Variants in HIPK3 observed in about 807,000 individuals in gnomAD.
The protein encoded by HIPK3 is homeodomain interacting protein kinase 3, also known as homeodomain-interacting protein kinase 3.
A neutral mutation model predicts 124.2 loss-of-function variants in HIPK3; 47 were observed. The ratio of observed to expected loss-of-function variants is 0.38; its 90% confidence interval spans 0.30 to 0.48. The LOEUF (loss-of-function observed/expected upper bound fraction) is 0.48. HIPK3 is among the 20% of genes least tolerant of loss of function. The pLI is 0.98. For synonymous variants in HIPK3, 482 were observed against 515.2 expected (o/e 0.94, Z 0.87); for missense variants, 1,286 against 1,454.3 (o/e 0.88, Z 1.88).
Position 33,310,871 on chromosome 11 carries a change from C to T in HIPK3, c.1098-17639C>T, listed in dbSNP as rs532172235. On this transcript the variant is annotated intron_variant, in intron 2 of 16. Transcript: ENST00000303296. Reference sequence around the variant, plus strand: ...TAGATCATGTTATTCTAAGGGAGACCGGTCTGTTTCAGTTTGTCTTTGTTC... The same window carrying T: ...TAGATCATGTTATTCTAAGGGAGACTGGTCTGTTTCAGTTTGTCTTTGTTC... Among the ~76,000 whole-genome samples the T allele has an allele frequency of 4.3e-4, 66 of 152,186 alleles. No individual in the cohort carries two copies. The South Asian group carries it at 0.013, about 30-fold the overall frequency.
chr11:33,351,241 A>G (rs1423699071), intron 14 of HIPK3, among the ~76,000 whole-genome samples: 1 of 152,214 alleles, frequency 6.6e-6, no homozygotes, highest in African/African-American at 2.4e-5. Flanking sequence ...ATATGTTTGT[A>G]TATTTCATTT....
chr11:33,259,244 A>G (rs751074760), intron 1 of HIPK3, among the ~76,000 whole-genome samples: 8 of 152,154 alleles, frequency 5.3e-5, no homozygotes, highest in Non-Finnish European at 1.0e-4. Flanking sequence ...TTTGATGAAA[A>G]GTCTTGAGCC....
chr11:33,348,603 A>G lies in HIPK3; in HGVS notation c.2451A>G (p.Glu817=). 2.5e-6 allele frequency: 4 copies of G among 1,613,900 alleles called. No homozygotes were observed. Among genetic ancestry groups the G allele is most frequent in the Non-Finnish European group, 2.5e-6 (3 of 1,179,724 alleles). ...TAATTAATGGGAAAGATGTCGAGGA[A>G]GTAAGTTGTATAGAAACACAGGACA... is the stretch of plus-strand genomic sequence containing the variant. ...PKIINGKDVE[E]VSCIETQDNQ... Residue 817 remains glutamate, a synonymous_variant, in exon 13 of 17, where the codon GAA becomes GAG. Coordinates refer to ENST00000303296, the MANE Select transcript of HIPK3 (RefSeq NM_005734.5).
At chr11:33,315,469 C>A (rs1431658149) in intron 2 of HIPK3, among the ~76,000 whole-genome samples, 1 of 152,222 alleles carries the variant, frequency 6.6e-6, no homozygotes, top group Admixed American at 6.5e-5. Context: ...TCGTGATCCA[C>A]CTGCCTCGGC....
At chr11:33,347,214 T>A in intron 8 of HIPK3, 79 bp from the exon 9 acceptor site, 1 of 1,381,292 alleles carries the variant, frequency 7.2e-7, no homozygotes, top group Non-Finnish European at 9.9e-7. Flanking sequence ...TCTAAGCAAT[T>A]CTTGACATTT....
intron 2 of HIPK3, among the ~76,000 whole-genome samples, chr11:33,309,207 A>G (rs1377882835): frequency 6.6e-6 from 1 of 152,188 alleles, no homozygotes; most frequent in Non-Finnish European, 1.5e-5. Flanking sequence ...TGTCTTTTAT[A>G]GAGATCCCAC....
intron 2 of HIPK3, among the ~76,000 whole-genome samples, chr11:33,302,242 G>A (rs1473271980): frequency 6.6e-6 from 1 of 150,852 alleles, no homozygotes; most frequent in Non-Finnish European, 1.5e-5. Flanking sequence ...TTCCTGAAAT[G>A]AAAAATGGTA....
At chr11:33,331,446 T>C (rs1274095405) in intron 3 of HIPK3, among the ~76,000 whole-genome samples, 4 of 152,204 alleles carry the variant, frequency 2.6e-5, no homozygotes, top group Non-Finnish European at 4.4e-5. Context: ...TGATCATAGC[T>C]CACTGCAGTC....
chr11:33,300,310 T>G (rs1221721288), intron 2 of HIPK3, among the ~76,000 whole-genome samples: 1 of 151,002 alleles, frequency 6.6e-6, no homozygotes, highest in Non-Finnish European at 1.5e-5. Flanking sequence ...ATCTTGCCAG[T>G]GCACTCCAGC....
At chr11:33,284,388 C>T (rs556782565) in intron 1 of HIPK3, among the ~76,000 whole-genome samples, 1 of 152,240 alleles carries the variant, frequency 6.6e-6, no homozygotes. Flanking sequence ...TGTGAGAGCA[C>T]TGAATGCTAA....
chr11:33,332,299 A>T (rs1022925194), intron 3 of HIPK3, among the ~76,000 whole-genome samples: 1 of 152,090 alleles, frequency 6.6e-6, no homozygotes, highest in Non-Finnish European at 1.5e-5. Flanking sequence ...ATAGACATCT[A>T]TATTTAGTGT....
At position 33,353,492 on chromosome 11, in the gene HIPK3, C is replaced by T. The variant is rs1485801986; in HGVS notation, c.3572C>T (p.Ser1191Phe). 1 of 1,614,012 alleles carries T rather than the reference C, an allele frequency of 6.2e-7. No individual in the cohort carries two copies. The highest frequency in any genetic ancestry group is 8.5e-7 in the Non-Finnish European group (1 of 1,179,972). Reference sequence around the variant, plus strand: ...TACAAACCAATCTTCCCACCACATTCTTACATTGCAGCATCACCTGCATAT... The same window carrying T: ...TACAAACCAATCTTCCCACCACATTTTTACATTGCAGCATCACCTGCATAT... ...TQYKPIFPPH[S>F]YIAASPAYTG... The change falls in exon 17 of 17, where the codon TCT becomes TTT. Residue 1191 changes from serine to phenylalanine, a missense_variant. Around this residue, in one of 3 missense-constraint regions of HIPK3, gnomAD observed 810 missense variants for 864.9 expected, o/e 0.94. Coordinates refer to ENST00000303296, the MANE Select transcript of HIPK3 (RefSeq NM_005734.5).
intron 1 of HIPK3, among the ~76,000 whole-genome samples, chr11:33,272,960 A>T (rs1851174849): frequency 6.6e-6 from 1 of 151,140 alleles, no homozygotes; most frequent in Non-Finnish European, 1.5e-5. Context: ...GCATCCTCCC[A>T]AGTAGCTGGG....
Position 33,328,372 on chromosome 11 carries a change from G to C in HIPK3, c.1098-138G>C, listed in dbSNP as rs1413639982. 5.4e-6 allele frequency: 4 copies of C among 740,940 alleles called. No individual in the cohort carries two copies. In the African/African-American group the frequency reaches 7.0e-5, roughly 13 times the overall value. The allele number at this position is 740,940 out of a possible 1,614,324, so 45.9% of individuals were successfully genotyped here. Reference sequence around the variant, plus strand: ...TTCAGGATTATGTCTAGGTTTCAAAGAGTTCTGAAATAGTGAAGAGTTCCT... The same window carrying C: ...TTCAGGATTATGTCTAGGTTTCAAACAGTTCTGAAATAGTGAAGAGTTCCT... On this transcript the variant is annotated intron_variant, in intron 2 of 16. Coordinates refer to ENST00000303296, the MANE Select transcript of HIPK3 (RefSeq NM_005734.5).
intron 2 of HIPK3, among the ~76,000 whole-genome samples, chr11:33,305,060 G>A (rs1852115139): frequency 6.6e-6 from 1 of 152,156 alleles, no homozygotes; most frequent in South Asian, 2.1e-4. Context: ...GAGTACAGTG[G>A]CACAATCTTG....
At chr11:33,262,748 C>G (rs1175153832) in intron 1 of HIPK3, among the ~76,000 whole-genome samples, 2 of 152,108 alleles carry the variant, frequency 1.3e-5, no homozygotes, top group East Asian at 3.8e-4. Context: ...TATTTTGTTA[C>G]TTTAAACTAA....
intron 2 of HIPK3, among the ~76,000 whole-genome samples, chr11:33,304,717 A>G (rs1283374045): frequency 2.6e-5 from 4 of 152,212 alleles, no homozygotes; most frequent in Non-Finnish European, 4.4e-5. Context: ...AATGATACAC[A>G]TTCAGTTTTT....
chr11:33,320,290 T>C (rs1415396633), intron 2 of HIPK3, among the ~76,000 whole-genome samples: 1 of 152,106 alleles, frequency 6.6e-6, no homozygotes, highest in African/African-American at 2.4e-5. Context: ...AGATTGAGAA[T>C]AGATGGCAGA....
At chr11:33,301,228 A>G (rs944135422) in intron 2 of HIPK3, among the ~76,000 whole-genome samples, 1 of 152,110 alleles carries the variant, frequency 6.6e-6, no homozygotes, top group African/African-American at 2.4e-5. Context: ...GCCACTCCTA[A>G]TTTAGTAACC....
Sources: gnomAD v4.1 joint callset for allele counts (sites outside exome capture counted in the v4.1 genomes callset) on GRCh38, gnomAD v4.1.1 for gene constraint, gnomAD v4.1.1 regional missense constraint, MANE v1.5 for transcripts, NCBI Gene and HGNC (gene_info 2026-07-23, HGNC 2026-07-21) for gene names.